UBA6: variants seen among roughly 807,000 people sequenced by gnomAD.
UBA6 encodes ubiquitin like modifier activating enzyme 6.
A neutral mutation model predicts 148.3 loss-of-function variants in UBA6; 87 were observed. That is an observed-to-expected ratio of 0.59 (90% CI 0.49 to 0.70). The LOEUF (loss-of-function observed/expected upper bound fraction) is 0.70, where lower values mean the gene tolerates loss of function less well. Among genes scored for constraint, UBA6 ranks in the 30% least tolerant of loss-of-function variants. The pLI, the probability that UBA6 is intolerant of heterozygous loss-of-function variation, is 0.00. For synonymous variants in UBA6, 376 were observed against 401.0 expected (o/e 0.94, Z 0.75); for missense variants, 1,186 against 1,241.2 (o/e 0.96, Z 0.67).
At position 67,616,112 on chromosome 4, in the gene UBA6, A is replaced by G. The variant is rs1279428252; in HGVS notation, c.*2885T>C. 3 of 396,486 alleles carry G rather than the reference A, an allele frequency of 7.6e-6. No homozygotes were observed. The highest frequency in any genetic ancestry group is 4.1e-5 in the African/African-American group (2 of 48,504). The allele number at this position is 396,486 out of a possible 1,614,324, so 24.6% of individuals were successfully genotyped here. A position where few individuals can be genotyped will look rare whatever the true frequency, so the allele number is the denominator to read the frequency against. ...TTATGACATAGAGCAAAATGAACAC[A>G]TATTATCAATGGATACTTAACTCTG... On this transcript the variant is annotated 3_prime_UTR_variant, in exon 33 of 33. Coordinates refer to ENST00000322244, the MANE Select transcript of UBA6 (RefSeq NM_018227.6).
rs1380115213 is a variant in UBA6, at chr4:67,616,888, G to A, written c.*2109C>T. ...AATCAAATCATTAATTTTTGCACCT[G>A]GTATTTCAGTCATCAACAGCAATCT... On this transcript the variant is annotated 3_prime_UTR_variant, in exon 33 of 33. Coordinates refer to ENST00000322244, the MANE Select transcript of UBA6 (RefSeq NM_018227.6). 6.6e-6 allele frequency: 1 copy of A among 151,884 alleles called. No homozygotes were observed. Among genetic ancestry groups the A allele is most frequent in the African/African-American group, 2.4e-5 (1 of 41,364 alleles). 9.4% of individuals were successfully genotyped at this position (151,884 alleles called of 1,614,324 possible). A position where few individuals can be genotyped will look rare whatever the true frequency, so the allele number is the denominator to read the frequency against.
chr4:67,645,839 C>T, intron 16 of UBA6, 99 bp downstream of exon 16: 1 of 572,494 alleles, frequency 1.7e-6, no homozygotes, highest in Non-Finnish European at 3.0e-6. Context: ...CAACTACTCA[C>T]CTGTACTCTA....
intron 19 of UBA6, among the ~76,000 whole-genome samples, chr4:67,636,013 T>A (rs1311631229): frequency 1.3e-5 from 2 of 152,214 alleles, no homozygotes; most frequent in Non-Finnish European, 2.9e-5. Context: ...TTACATACTT[T>A]TCACATTTTT....
intron 6 of UBA6, among the ~76,000 whole-genome samples, chr4:67,675,507 G>A (rs1264844176): frequency 6.6e-6 from 1 of 152,156 alleles, no homozygotes; most frequent in Non-Finnish European, 1.5e-5. Context: ...AATGCGGGAG[G>A]ATCACCTGAG....
intron 17 of UBA6, among the ~76,000 whole-genome samples, chr4:67,643,668 T>G (rs1348771439): frequency 6.6e-6 from 1 of 152,052 alleles, no homozygotes; most frequent in Non-Finnish European, 1.5e-5. Context: ...GACCTGGGAA[T>G]TTCTCTTTTC....
intron 28 of UBA6, 94 bp downstream of exon 28, chr4:67,626,263 ATTG>A (rs1249027699): frequency 8.3e-6 from 6 of 726,114 alleles, no homozygotes; most frequent in Middle Eastern, 3.7e-4. Flanking sequence ...CATCATTATT[ATTG>A]TTGTGATTAA....
At chr4:67,640,385 T>A (rs1344999545) in intron 18 of UBA6, among the ~76,000 whole-genome samples, 2 of 152,266 alleles carry the variant, frequency 1.3e-5, no homozygotes, top group Non-Finnish European at 2.9e-5. Flanking sequence ...TTTTAGTTAC[T>A]TTCTGTTCAT....
intron 10 of UBA6, among the ~76,000 whole-genome samples, chr4:67,664,895 CTT>C (rs1291907148): frequency 6.6e-6 from 1 of 152,070 alleles, no homozygotes; most frequent in Non-Finnish European, 1.5e-5. Context: ...ATGATAAACT[CTT>C]TGATAATTCA....
At chr4:67,670,704 C>T in intron 7 of UBA6, 112 bp from the exon 8 acceptor site, 1 of 786,656 alleles carries the variant, frequency 1.3e-6, no homozygotes. Flanking sequence ...CCTTACACAA[C>T]CTATAGAATA....
At chr4:67,658,147 T>C (rs1469733518) in intron 13 of UBA6, among the ~76,000 whole-genome samples, 2 of 152,174 alleles carry the variant, frequency 1.3e-5, no homozygotes, top group African/African-American at 4.8e-5. Flanking sequence ...TCCTCAAGGA[T>C]CTAGAACTAG....
At chr4:67,626,229 G>A in intron 28 of UBA6, 131 bp downstream of exon 28, 1 of 650,376 alleles carries the variant, frequency 1.5e-6, no homozygotes, top group South Asian at 1.7e-5. Context: ...ACTTTAATAT[G>A]ATCATGAAAT....
At chr4:67,624,032 G>GA in intron 30 of UBA6, 94 bp downstream of exon 30, 1 of 1,127,974 alleles carries the variant, frequency 8.9e-7, no homozygotes, top group Non-Finnish European at 1.2e-6. Context: ...CACAATAGAA[G>GA]AAAAAAGAGG....
rs1485097408 is a variant in UBA6 at position 67,617,056 on chromosome 4, C to T, written c.*1941G>A. The T allele has an allele frequency of 6.6e-6, 1 of 152,042 alleles. No individual in the cohort carries two copies. Among genetic ancestry groups the T allele is most frequent in the Non-Finnish European group, 1.5e-5 (1 of 67,944 alleles). 9.4% of individuals were successfully genotyped at this position (152,042 alleles called of 1,614,324 possible). On this transcript the variant is annotated 3_prime_UTR_variant, in exon 33 of 33. Transcript: ENST00000322244. ...GGAAAAATGGTTGCAGGTTTAATCA[C>T]AAAATGAACTTAATTTTTGTTGATT... is the stretch of plus-strand genomic sequence containing the variant.
Position 67,616,512 on chromosome 4 carries a change from G to T in UBA6, c.*2485C>A. ...GAACTTATGGACAAGTAACAGAACT[G>T]CTTTGAACTCTAAAAAGAAATGGAC... is the stretch of plus-strand genomic sequence containing the variant. On this transcript the variant is annotated 3_prime_UTR_variant, in exon 33 of 33. Coordinates refer to ENST00000322244, the MANE Select transcript of UBA6 (RefSeq NM_018227.6). 5.7e-6 allele frequency: 1 copy of T among 175,014 alleles called. No homozygotes were observed. The highest frequency in any genetic ancestry group is 1.2e-5 in the Non-Finnish European group (1 of 83,218). The allele number at this position is 175,014 out of a possible 1,614,324, so 10.8% of individuals were successfully genotyped here.
At position 67,636,733 on chromosome 4, in the gene UBA6, G is replaced by A. The variant is rs544442192; in HGVS notation, c.1737-1175C>T. 7.2e-5 allele frequency among the ~76,000 whole-genome samples: 11 copies of A among 152,298 alleles called. No homozygotes were observed. The East Asian group carries it at 1.4e-3, about 19-fold the overall frequency. On this transcript the variant is annotated intron_variant, in intron 19 of 32. Coordinates refer to ENST00000322244, the MANE Select transcript of UBA6 (RefSeq NM_018227.6). ...GGCTGGAGTGCAGTGGCGTGATCTC[G>A]GCTAGCTACAACCTCCACCCCCCAG... is the stretch of plus-strand genomic sequence containing the variant.
chr4:67,645,484 A>C (rs192599335), intron 16 of UBA6, among the ~76,000 whole-genome samples: 1 of 152,186 alleles, frequency 6.6e-6, no homozygotes, highest in African/African-American at 2.4e-5. Flanking sequence ...CTGTAGTCCC[A>C]GCTACTCGGG....
rs535113663 is a variant in UBA6 at position 67,644,831 on chromosome 4, C to G, written c.1396-53G>C. ...AGATTAAAATAACCTATCTGTGAAT[C>G]ATTTTACTTTGAAATATTTAACAGG... On this transcript the variant is annotated intron_variant, in intron 16 of 32. Transcript: ENST00000322244. 3.5e-6 allele frequency: 3 copies of G among 861,192 alleles called. No individual in the cohort carries two copies. The African/African-American group carries it at 5.1e-5, about 15-fold the overall frequency. The allele number at this position is 861,192 out of a possible 1,614,324, so 53.3% of individuals were successfully genotyped here.
chr4:67,640,384 C>G (rs1729273840), intron 18 of UBA6, among the ~76,000 whole-genome samples: 2 of 152,210 alleles, frequency 1.3e-5, no homozygotes, highest in African/African-American at 4.8e-5. Context: ...GTTTTAGTTA[C>G]TTTCTGTTCA....
At chr4:67,696,185 T>C (rs1730828658) in intron 2 of UBA6, among the ~76,000 whole-genome samples, 1 of 152,128 alleles carries the variant, frequency 6.6e-6, no homozygotes, top group South Asian at 2.1e-4. Flanking sequence ...TAAAGTGAAA[T>C]ATTATTCTTC....
Sources: gnomAD v4.1 joint callset for allele counts (sites outside exome capture counted in the v4.1 genomes callset) on GRCh38, gnomAD v4.1.1 for gene constraint, MANE v1.5 for transcripts, NCBI Gene and HGNC (gene_info 2026-07-23, HGNC 2026-07-21) for gene names.